CTNNA2: variants seen among roughly 807,000 people sequenced by gnomAD.
The protein encoded by CTNNA2 is catenin alpha-2.
Under a neutral mutation model 101.0 loss-of-function variants are expected in CTNNA2, and 42 were observed. The observed-to-expected ratio is 0.42, with a 90% CI of 0.32 to 0.54. The LOEUF is 0.54. CTNNA2 is among the 20% of genes least tolerant of loss of function. CTNNA2 has a pLI of 0.14. For synonymous variants in CTNNA2, 450 were observed against 456.4 expected, an observed-to-expected ratio of 0.99 and a Z score of 0.18; for missense variants, 871 against 1,223.1, an observed-to-expected ratio of 0.71 and a Z score of 4.29.
chr2:79,395,833 C>T (rs143364477), intron 4 of CTNNA2, among the ~76,000 whole-genome samples: 315 of 152,188 alleles, frequency 2.1e-3, no homozygotes, highest in Middle Eastern at 0.014. Flanking sequence ...GACAGTGTCT[C>T]GCTCTGTCAC....
chr2:79,881,434 G>A (rs1574215542), intron 6 of CTNNA2, among the ~76,000 whole-genome samples: 1 of 152,104 alleles, frequency 6.6e-6, no homozygotes, highest in Non-Finnish European at 1.5e-5. Flanking sequence ...CTATTATTGT[G>A]TGTAGAGACC....
chr2:79,186,429 C>T (rs1673779690), intron 1 of CTNNA2, among the ~76,000 whole-genome samples: 1 of 152,174 alleles, frequency 6.6e-6, no homozygotes, highest in African/African-American at 2.4e-5. Flanking sequence ...ACCAGAATGT[C>T]TGCTGTATCC....
chr2:79,325,425 T>TTTTCTTCAAATAGCATTTCGGGA (rs1376245922), intron 3 of CTNNA2, among the ~76,000 whole-genome samples: 3 of 152,204 alleles, frequency 2.0e-5, no homozygotes, highest in South Asian at 2.1e-4. Context: ...GTTTTCATTG[T>TTTTCTTCAAATAGCATTTCGGGA]TTTCTTCAAA....
At chr2:79,216,455 G>A (rs1167965926) in intron 2 of CTNNA2, among the ~76,000 whole-genome samples, 1 of 151,856 alleles carries the variant, frequency 6.6e-6, no homozygotes, top group Non-Finnish European at 1.5e-5. Flanking sequence ...TGGAAATAAG[G>A]GATCAGGGCA....
chr2:79,462,571 A>C (rs1276997916), intron 4 of CTNNA2, among the ~76,000 whole-genome samples: 2 of 152,236 alleles, frequency 1.3e-5, no homozygotes, highest in African/African-American at 4.8e-5. Context: ...ACAAAAAAGC[A>C]ACCTATAAGC....
At chr2:79,799,597 C>A (rs1461646059) in intron 3 of CTNNA2, among the ~76,000 whole-genome samples, 1 of 152,084 alleles carries the variant, frequency 6.6e-6, no homozygotes, top group African/African-American at 2.4e-5. Context: ...ATCAGTTAGG[C>A]TGATACATCT....
At chr2:80,204,573 T>G (rs1035964728) in intron 7 of CTNNA2, among the ~76,000 whole-genome samples, 1 of 152,162 alleles carries the variant, frequency 6.6e-6, no homozygotes, top group African/African-American at 2.4e-5. Flanking sequence ...TGGACCTTAT[T>G]TTTTATATGC....
At chr2:80,150,860 C>T (rs941958002) in intron 7 of CTNNA2, among the ~76,000 whole-genome samples, 1 of 152,130 alleles carries the variant, frequency 6.6e-6, no homozygotes, top group African/African-American at 2.4e-5. Flanking sequence ...TATTTTCAGG[C>T]AGATCATGGA....
chr2:80,176,597 G>T (rs1337573170), intron 7 of CTNNA2, among the ~76,000 whole-genome samples: 1 of 152,134 alleles, frequency 6.6e-6, no homozygotes, highest in Non-Finnish European at 1.5e-5. Context: ...CATTCCTGTA[G>T]GGTCTATGTC....
At chr2:79,431,091 A>G (rs1468188473) in intron 4 of CTNNA2, among the ~76,000 whole-genome samples, 1 of 152,108 alleles carries the variant, frequency 6.6e-6, no homozygotes, top group African/African-American at 2.4e-5. Flanking sequence ...GGAGAATCCT[A>G]TTCAGTCAAG....
intron 7 of CTNNA2, among the ~76,000 whole-genome samples, chr2:79,999,602 A>T (rs1692793740): frequency 6.6e-6 from 1 of 152,156 alleles, no homozygotes; most frequent in Non-Finnish European, 1.5e-5. Context: ...TTATTTATTT[A>T]ATTCTGTAAA....
At chr2:80,601,349 C>T (rs1048373186) in intron 15 of CTNNA2, among the ~76,000 whole-genome samples, 12 of 148,806 alleles carry the variant, frequency 8.1e-5, no homozygotes, top group Admixed American at 4.7e-4. Context: ...TTGAGATTAT[C>T]TTCTCTTTAA....
At chr2:79,215,108 G>A (rs1384890079) in intron 2 of CTNNA2, among the ~76,000 whole-genome samples, 1 of 152,180 alleles carries the variant, frequency 6.6e-6, no homozygotes, top group Non-Finnish European at 1.5e-5. Context: ...ATCTGGGAAG[G>A]AGTCAGTCAG....
chr2:80,156,515 C>T (rs1267166000), intron 7 of CTNNA2, among the ~76,000 whole-genome samples: 1 of 152,196 alleles, frequency 6.6e-6, no homozygotes, highest in Non-Finnish European at 1.5e-5. Flanking sequence ...GCAGGTGCTC[C>T]ATGTAGCAAT....
chr2:79,692,636 A>G (rs1352402387), intron 2 of CTNNA2, among the ~76,000 whole-genome samples: 1 of 152,104 alleles, frequency 6.6e-6, no homozygotes, highest in Non-Finnish European at 1.5e-5. Flanking sequence ...AATGCCCATC[A>G]TTGATAGACT....
chr2:80,011,627 C>T (rs1693792716), intron 7 of CTNNA2, among the ~76,000 whole-genome samples: 1 of 152,108 alleles, frequency 6.6e-6, no homozygotes, highest in Non-Finnish European at 1.5e-5. Context: ...GTCCTCTGTT[C>T]TGATGTTTTG....
At chr2:80,095,171 A>C (rs1326236278) in intron 7 of CTNNA2, among the ~76,000 whole-genome samples, 2 of 152,220 alleles carry the variant, frequency 1.3e-5, no homozygotes, top group Non-Finnish European at 2.9e-5. Context: ...ATTTTGAGAT[A>C]TGTCCCATCA....
At position 79,498,736 on chromosome 2, in the gene CTNNA2, A is replaced by G. The variant is rs1327443608; in HGVS notation, c.-134-6318A>G. Among the ~76,000 whole-genome samples the G allele has an allele frequency of 3.3e-5, 5 of 152,216 alleles. No individual in the cohort carries two copies. In the East Asian group the frequency reaches 9.6e-4, roughly 29 times the overall value. On this transcript the variant is annotated intron_variant, in intron 4 of 21. Coordinates refer to the CTNNA2 transcript ENST00000466387. The stretch of plus-strand genomic sequence containing the variant: ...CAGAATTTTCTTGAGAGAGGTCTGA[A>G]GAGTAGGCTCACGTTGTATACTAAT...
chr2:79,502,335 T>C (rs564540627), intron 4 of CTNNA2, among the ~76,000 whole-genome samples: 2 of 152,340 alleles, frequency 1.3e-5, no homozygotes, highest in East Asian at 3.9e-4. Flanking sequence ...CATCAGACTT[T>C]AATGTGGCTT....
Sources: allele counts gnomAD v4.1 joint callset (sites outside exome capture counted in the v4.1 genomes callset), GRCh38; gene constraint gnomAD v4.1.1; transcripts MANE v1.5; gene names NCBI Gene and HGNC (gene_info 2026-07-23, HGNC 2026-07-21).